PRKAR1B: variants seen among roughly 807,000 people sequenced by gnomAD.
PRKAR1B encodes cAMP-dependent protein kinase type I-beta regulatory subunit.
PRKAR1B carries 22 observed loss-of-function variants against 46.5 expected under a neutral mutation model. The ratio of observed to expected loss-of-function variants is 0.47; its 90% CI spans 0.34 to 0.68. The LOEUF (loss-of-function observed/expected upper bound fraction) is 0.68, where lower values mean the gene tolerates loss of function less well. Ranked by LOEUF, PRKAR1B falls within the 30% of genes least tolerant of loss-of-function variation. The pLI, the probability that PRKAR1B is intolerant of heterozygous loss-of-function variation, is 0.01. For synonymous variants in PRKAR1B, 259 were observed against 217.7 expected (o/e 1.19, Z -1.67); for missense variants, 445 against 535.6 (o/e 0.83, Z 1.67).
In PRKAR1B at chr7:703,139, T is replaced by C. The variant is rs369858257; in HGVS notation, c.177+8190A>G. ...TCAGATAAAGCAGACTTCAGAACAA[T>C]GAAAATTACCAGGAACAAAGAGAAA... On this transcript the variant is annotated intron_variant, in intron 2 of 10. Coordinates refer to ENST00000537384, the MANE Select transcript of PRKAR1B (RefSeq NM_001164760.2). Among the ~76,000 whole-genome samples, 7 of 152,136 alleles carry C rather than the reference T, an allele frequency of 4.6e-5. No individual in the cohort carries two copies. In the East Asian group the frequency reaches 1.2e-3, roughly 25 times the overall value.
chr7:666,135 C>T lies in PRKAR1B; in HGVS notation c.440+11094G>A, dbSNP rs933831359. On this transcript the variant is annotated intron_variant, in intron 4 of 10. Coordinates refer to ENST00000537384, the MANE Select transcript of PRKAR1B (RefSeq NM_001164760.2). The surrounding 1 kb of genome is among the most constrained non-coding windows in gnomAD (Gnocchi z 4.9). ...CTCGGCTCCCAGGAGCTCAGCGATGCTCCCCCTACAGGCGCCCTAATCAGG... is the reference window on the plus strand; with the variant it reads ...CTCGGCTCCCAGGAGCTCAGCGATGTTCCCCCTACAGGCGCCCTAATCAGG... Among the ~76,000 whole-genome samples the T allele has an allele frequency of 6.6e-6, 1 of 152,204 alleles. No individual in the cohort carries two copies. Among genetic ancestry groups the T allele is most frequent in the Admixed American group, 6.5e-5 (1 of 15,284 alleles).
At chr7:713,648 C>A (rs565289468) in intron 1 of PRKAR1B, among the ~76,000 whole-genome samples, 1 of 152,162 alleles carries the variant, frequency 6.6e-6, no homozygotes, top group African/African-American at 2.4e-5. Context: ...CTCACCGTCT[C>A]TCACTCAGCC....
Position 596,183 on chromosome 7 carries a change from C to G in PRKAR1B, c.671G>C (p.Trp224Ser). 6.2e-7 allele frequency: 1 copy of G among 1,614,002 alleles called. No homozygotes were observed. ...CCGGTAGCTGTCCCGGTCGATCCCC[C>G]AGAGCTTGAGGTCCGTCTTGGCTTT... The part of the protein sequence containing the change: ...TVKAKTDLKL[W>S]GIDRDSYRRI... Residue 224 changes from tryptophan to serine, a missense_variant, in exon 7 of 11, where the codon TGG becomes TCG. Trp to Ser is a radical substitution (Grantham distance 177). Around this residue, in one of 5 missense-constraint regions of PRKAR1B, gnomAD observed 18 missense variants for 58.1 expected, o/e 0.31. Coordinates refer to ENST00000537384, the MANE Select transcript of PRKAR1B (RefSeq NM_001164760.2).
intron 9 of PRKAR1B, among the ~76,000 whole-genome samples, chr7:575,756 G>A (rs1779782861): frequency 6.6e-6 from 1 of 151,996 alleles, no homozygotes; most frequent in African/African-American, 2.4e-5. Context: ...TAAATTTTTA[G>A]TAGAGATGGG....
chr7:581,884 T>A (rs1257956572), intron 8 of PRKAR1B, among the ~76,000 whole-genome samples: 1 of 152,148 alleles, frequency 6.6e-6, no homozygotes, highest in Non-Finnish European at 1.5e-5. Flanking sequence ...CCCGGCTAAC[T>A]TTTTAAAAAT....
chr7:632,093 G>A (rs560113652), intron 4 of PRKAR1B, among the ~76,000 whole-genome samples: 37 of 152,208 alleles, frequency 2.4e-4, no homozygotes, highest in Admixed American at 7.8e-4. Flanking sequence ...GTGAGCCAGC[G>A]TCTCCGTGTG....
chr7:664,294 C>T (rs555234375), intron 4 of PRKAR1B, among the ~76,000 whole-genome samples: 7 of 152,292 alleles, frequency 4.6e-5, no homozygotes, highest in African/African-American at 1.7e-4. Context: ...TCCTTCTGGT[C>T]GCTATGTGGT....
At position 718,755 on chromosome 7, in the gene PRKAR1B, GA is replaced by G. The variant is rs1261107736; in HGVS notation, c.-22-7229del. ...GCCTTCCTGGGACATCTATTCAACA[GA>G]TATTAGCATTGTTGCTTCTGTTCTC... On this transcript the variant is annotated intron_variant, in intron 1 of 10. Coordinates refer to ENST00000537384, the MANE Select transcript of PRKAR1B (RefSeq NM_001164760.2). Among the ~76,000 whole-genome samples, 6 of 150,770 alleles carry G rather than the reference GA, an allele frequency of 4.0e-5. No homozygotes were observed. The East Asian group carries it at 5.9e-4, about 15-fold the overall frequency.
chr7:551,124 C>G (rs1031792890), intron 10 of PRKAR1B, among the ~76,000 whole-genome samples: 8 of 152,142 alleles, frequency 5.3e-5, no homozygotes, highest in Non-Finnish European at 1.2e-4. Flanking sequence ...ATCCCAGAAG[C>G]AGGAGGCTGC....
intron 4 of PRKAR1B, 79 bp downstream of exon 4, chr7:677,150 G>A (rs1778373493): frequency 1.5e-6 from 2 of 1,377,492 alleles, no homozygotes; most frequent in Admixed American, 1.7e-5. Flanking sequence ...TGATGCCCAG[G>A]CAAGTGGCGG....
chr7:632,133 G>T (rs1020388006), intron 4 of PRKAR1B, among the ~76,000 whole-genome samples: 1 of 152,308 alleles, frequency 6.6e-6, no homozygotes, highest in East Asian at 1.9e-4. Flanking sequence ...ACAGAGCCTG[G>T]GGGGAGCAGG....
chr7:628,355 C>T (rs1475864175), intron 4 of PRKAR1B, among the ~76,000 whole-genome samples: 4 of 152,238 alleles, frequency 2.6e-5, no homozygotes, highest in South Asian at 2.1e-4. Flanking sequence ...AGGCGGGAGC[C>T]GCCAACAGCC....
intron 1 of PRKAR1B, among the ~76,000 whole-genome samples, chr7:717,275 G>A (rs557539184): frequency 2.0e-5 from 3 of 150,120 alleles, no homozygotes; most frequent in African/African-American, 7.3e-5. Flanking sequence ...GGCAACAGGA[G>A]TGAAACCCAG....
rs148165738 is a variant in PRKAR1B at position 602,531 on chromosome 7, C to T, written c.549+3662G>A. ...ACCTGATCCCTCCAGCAGTCCCAGC[C>T]GCCGGCCCCTCACACCCTCACCTCT... On this transcript the variant is annotated intron_variant, in intron 6 of 10. Transcript: ENST00000537384. This position sits in a 1 kb window ranked among gnomAD's most constrained non-coding sequence, Gnocchi z 6.4. 201 of 169,398 alleles carry T rather than the reference C, an allele frequency of 1.2e-3. No individual in the cohort carries two copies. Among genetic ancestry groups the T allele is most frequent in the African/African-American group, 4.2e-3 (176 of 41,660 alleles). 10.5% of individuals were successfully genotyped at this position (169,398 alleles called of 1,614,324 possible).
At chr7:632,872 G>A (rs9771385) in intron 4 of PRKAR1B, among the ~76,000 whole-genome samples, 89,251 of 152,082 alleles carry the variant, frequency 0.59, 26,859 homozygotes, top group South Asian at 0.81. Flanking sequence ...AGGAGCCCCC[G>A]ACGGCCGGCA....
At chr7:623,174 C>G (rs1783202124) in intron 4 of PRKAR1B, among the ~76,000 whole-genome samples, 1 of 152,188 alleles carries the variant, frequency 6.6e-6, no homozygotes, top group South Asian at 2.1e-4. Context: ...CTGTTGACTA[C>G]AAGTTTCCAA....
chr7:673,856 C>T (rs994731077), intron 4 of PRKAR1B, among the ~76,000 whole-genome samples: 3 of 152,210 alleles, frequency 2.0e-5, no homozygotes, highest in Non-Finnish European at 2.9e-5. Context: ...AATCAAGGTG[C>T]CACAGGACCA....
At chr7:697,554 C>T (rs762316609) in intron 2 of PRKAR1B, among the ~76,000 whole-genome samples, 3 of 152,086 alleles carry the variant, frequency 2.0e-5, no homozygotes, top group African/African-American at 4.8e-5. Flanking sequence ...GTTCCATGAG[C>T]GGCCCTAAGA....
At chr7:583,812 G>A in intron 8 of PRKAR1B, among the ~76,000 whole-genome samples, 1 of 146,574 alleles carries the variant, frequency 6.8e-6, no homozygotes, top group East Asian at 2.1e-4. Flanking sequence ...GCACACTCAT[G>A]CACACACACG....
Sources: gnomAD v4.1 joint callset for allele counts (sites outside exome capture counted in the v4.1 genomes callset) on GRCh38, gnomAD v4.1.1 for gene constraint, gnomAD v4.1.1 regional missense constraint, Gnocchi (gnomAD v3.1) non-coding constraint, MANE v1.5 for transcripts, NCBI Gene and HGNC (gene_info 2026-07-23, HGNC 2026-07-21) for gene names.